The following CALHM6 variants were observed in gnomAD, a reference collection of about 807,000 sequenced individuals.
The protein encoded by CALHM6 is calcium homeostasis modulator protein 6.
CALHM6 carries 15 observed loss-of-function variants against 12.7 expected under a neutral mutation model. That is an observed-to-expected ratio of 1.18 (90% CI 0.79 to 1.82). The LOEUF is 1.82. CALHM6 is among the 40% of genes most tolerant of loss of function. The probability of loss-of-function intolerance (pLI) is 0.00; values close to 1 mark genes in which losing one functional copy is unlikely to be tolerated. For synonymous variants in CALHM6, 212 were observed against 193.7 expected (o/e 1.09, Z -0.78); for missense variants, 434 against 421.0 (o/e 1.03, Z -0.27).
At chr6:116,461,598 AC>A (rs1411029314) in intron 1 of CALHM6, among the ~76,000 whole-genome samples, 169 bp downstream of exon 1, 1 of 151,956 alleles carries the variant, frequency 6.6e-6, no homozygotes, top group African/African-American at 2.4e-5. Flanking sequence ...TAATAAAGGA[AC>A]AAGGTCAACC....
At chr6:116,461,818 C>T in intron 1 of CALHM6, 54 bp from the exon 2 acceptor site, 1 of 880,018 alleles carries the variant, frequency 1.1e-6, no homozygotes, top group East Asian at 3.2e-5. Flanking sequence ...AAGGCTGCTT[C>T]TCGCAGAGTG....
intron 1 of CALHM6, 75 bp from the exon 2 acceptor site, chr6:116,461,792 TAAAAA>T: frequency 2.7e-6 from 2 of 745,744 alleles, no homozygotes; most frequent in African/African-American, 2.2e-5. Context: ...CTCTTCCCTT[TAAAAA>T]AAAAAAAAAA....
intron 2 of CALHM6, 143 bp from the exon 3 acceptor site, chr6:116,463,140 C>A: frequency 1.3e-6 from 1 of 784,208 alleles, no homozygotes; most frequent in African/African-American, 1.7e-5. Flanking sequence ...TACTGCGACA[C>A]CTTACTCTTA....
At chr6:116,461,540 G>A in intron 1 of CALHM6, 111 bp downstream of exon 1, 1 of 1,054,536 alleles carries the variant, frequency 9.5e-7, no homozygotes, top group Non-Finnish European at 1.4e-6. Context: ...CCAACTGGCG[G>A]CCGTGGGTCA....
chr6:116,463,460 G>A lies in CALHM6; in HGVS notation c.703G>A (p.Glu235Lys), dbSNP rs1387496916. 6.2e-6 allele frequency: 10 copies of A among 1,614,148 alleles called. No homozygotes were observed. Among genetic ancestry groups the A allele is most frequent in the Non-Finnish European group, 8.5e-6 (10 of 1,180,028 alleles). The part of the protein sequence containing the change: ...ATEHATELAK[E>K]NIKCFFEGSH... ...AGAGCATGCAACTGAATTGGCAAAA[G>A]AGAATATTAAATGTTTCTTTGAGGG... The change falls in exon 3 of 3, where the codon GAG (glutamate) becomes AAG (lysine). Residue 235 changes from glutamate to lysine, a missense_variant. By Grantham distance (56) the Glu-to-Lys change is moderately conservative. Coordinates refer to ENST00000368605, the MANE Select transcript of CALHM6 (RefSeq NM_001010919.3).
Position 116,463,625 on chromosome 6 carries a change from A to G in CALHM6, c.868A>G (p.Arg290Gly). 1 of 1,614,090 alleles carries G rather than the reference A, an allele frequency of 6.2e-7. No homozygotes were observed. Among genetic ancestry groups the G allele is most frequent in the Admixed American group, 1.7e-5 (1 of 60,026 alleles). Residue 290 changes from arginine (R) to glycine (G), a missense_variant, in exon 3 of 3, where the codon AGG becomes GGG. Transcript: ENST00000368605. ...VNRKEKTHSI[R>G]STEGDTVIPV... Reference sequence around the variant, plus strand: ...CAGAAAAGAGAAGACTCACAGTATCAGGTCTACTGAAGGAGATACGGTGAT... The same window carrying G: ...CAGAAAAGAGAAGACTCACAGTATCGGGTCTACTGAAGGAGATACGGTGAT...
chr6:116,462,491 G>T (rs553301411), intron 2 of CALHM6, 37 bp downstream of exon 2: 296 of 1,433,090 alleles, frequency 2.1e-4, no homozygotes, highest in Non-Finnish European at 2.6e-4. Context: ...GGGAGGAGCC[G>T]AGAGGCCGAG....
chr6:116,463,444 A>G lies in CALHM6; in HGVS notation c.687A>G (p.Ala229=). The G allele has an allele frequency of 6.2e-7, 1 of 1,614,198 alleles. No individual in the cohort carries two copies. Among genetic ancestry groups the G allele is most frequent in the Non-Finnish European group, 8.5e-7 (1 of 1,180,024 alleles). Residue 229 remains alanine (A), a synonymous_variant, in exon 3 of 3, where the codon GCA becomes GCG. Coordinates refer to ENST00000368605, the MANE Select transcript of CALHM6 (RefSeq NM_001010919.3). ...QILKSKATEH[A]TELAKENIKC... ...TTAAAAGTAAAGCCACAGAGCATGCAACTGAATTGGCAAAAGAGAATATTA... is the reference window on the plus strand; with the variant it reads ...TTAAAAGTAAAGCCACAGAGCATGCGACTGAATTGGCAAAAGAGAATATTA...
chr6:116,463,687 C>T lies in CALHM6; in HGVS notation c.930C>T (p.Asn310=), dbSNP rs41289932. 6.2e-7 allele frequency: 1 copy of T among 1,603,292 alleles called. No individual in the cohort carries two copies. Among genetic ancestry groups the T allele is most frequent in the Non-Finnish European group, 8.5e-7 (1 of 1,174,578 alleles). The part of the protein sequence containing the change: ...VLGFVDSSGI[N]STPEL ...GCTTTGTAGATTCATCTGGTATAAA[C>T]AGCACTCCTGAGTTATGACCTTTTG... Residue 310 remains asparagine, a synonymous_variant, in exon 3 of 3, where the codon AAC becomes AAT. Coordinates refer to ENST00000368605, the MANE Select transcript of CALHM6 (RefSeq NM_001010919.3).
At position 116,463,730 on chromosome 6, in the gene CALHM6, A is replaced by T. The variant is rs768721269; in HGVS notation, c.*25A>T. The T allele has an allele frequency of 1.4e-6, 2 of 1,463,898 alleles. No individual in the cohort carries two copies. The highest frequency in any genetic ancestry group is 3.0e-5 in the South Asian group (2 of 66,746). 90.7% of individuals were successfully genotyped at this position (1,463,898 alleles called of 1,614,324 possible). On this transcript the variant is annotated 3_prime_UTR_variant, in exon 3 of 3. Transcript: ENST00000368605. ...ACCTTTTGAATGAGTAGAAAAAAAA[A>T]TTGTTTTGAATTATTGCTTTATTAA... is the stretch of plus-strand genomic sequence containing the variant.
Position 116,461,792 on chromosome 6 carries a change from T to TAAAAAA in CALHM6, c.-58-68_-58-63dup, listed in dbSNP as rs4031591. Reference sequence around the variant, plus strand: ...AAGGTCTGAGAAGCCCTCTTCCCTTTAAAAAAAAAAAAAAAAAGGCTGCTT... The same window carrying TAAAAAA: ...AAGGTCTGAGAAGCCCTCTTCCCTTTAAAAAAAAAAAAAAAAAAAAAAAGGCTGCTT... On this transcript the variant is annotated intron_variant, in intron 1 of 2. Coordinates refer to ENST00000368605, the MANE Select transcript of CALHM6 (RefSeq NM_001010919.3). 2,467 of 745,490 alleles carry TAAAAAA rather than the reference T, an allele frequency of 3.3e-3. 12 individuals are homozygous for TAAAAAA. Among genetic ancestry groups the TAAAAAA allele is most frequent in the East Asian group, 0.016 (448 of 27,348 alleles). The allele number at this position is 745,490 out of a possible 1,614,324, so 46.2% of individuals were successfully genotyped here. A position where few individuals can be genotyped will look rare whatever the true frequency, so the allele number is the denominator to read the frequency against.
chr6:116,461,984 G>A lies in CALHM6; in HGVS notation c.55G>A (p.Gly19Ser). The change falls in exon 2 of 3, where the codon GGC becomes AGC. Residue 19 changes from glycine (G) to serine (S), a missense_variant. Coordinates refer to ENST00000368605, the MANE Select transcript of CALHM6 (RefSeq NM_001010919.3). ...GCACGTCAAGCACCACAGCGCCTTG[G>A]GCTACGGCCTGGTGACCCTGCTGAC... The part of the protein sequence containing the change: ...DLHVKHHSAL[G>S]YGLVTLLTAG... The A allele has an allele frequency of 9.0e-6, 14 of 1,547,888 alleles. No homozygotes were observed. Among genetic ancestry groups the A allele is most frequent in the Non-Finnish European group, 1.2e-5 (14 of 1,145,470 alleles).
Position 116,462,176 on chromosome 6 carries a change from T to C in CALHM6, c.247T>C (p.Ser83Pro), listed in dbSNP as rs1462882961. The C allele has an allele frequency of 6.6e-7, 1 of 1,514,696 alleles. No homozygotes were observed. The allele number at this position is 1,514,696 out of a possible 1,614,324, so 93.8% of individuals were successfully genotyped here. A position where few individuals can be genotyped will look rare whatever the true frequency, so the allele number is the denominator to read the frequency against. ...GTGGCGCCTGCTCACCGGATGCTGC[T>C]CCAGCGCCCGCGCGAGTTGCGGATC... The part of the protein sequence containing the change: ...RTWRLLTGCC[S>P]SARASCGSAL... The change falls in exon 2 of 3, where the codon TCC becomes CCC. Residue 83 changes from serine to proline, a missense_variant. Physicochemically the swap from Ser to Pro is moderately conservative, Grantham distance 74. Coordinates refer to ENST00000368605, the MANE Select transcript of CALHM6 (RefSeq NM_001010919.3).
rs1279655650 is a variant in CALHM6, at chr6:116,462,216, C to T, written c.287C>T (p.Ser96Phe). The change falls in exon 2 of 3, where the codon TCC becomes TTC. Residue 96 changes from serine to phenylalanine, a missense_variant. Ser to Phe is a radical substitution (Grantham distance 155, BLOSUM62 -2). Coordinates refer to ENST00000368605, the MANE Select transcript of CALHM6 (RefSeq NM_001010919.3). ...AGTTGCGGATCGGCGCTGCGCGGCT[C>T]CCTGGTGTGCACGCAAATCAGCGCG... ...RASCGSALRG[S>F]LVCTQISAAA... 8 of 1,437,928 alleles carry T rather than the reference C, an allele frequency of 5.6e-6. No individual in the cohort carries two copies. Among genetic ancestry groups the T allele is most frequent in the Non-Finnish European group, 7.3e-6 (8 of 1,100,666 alleles). 89.1% of individuals were successfully genotyped at this position (1,437,928 alleles called of 1,614,324 possible). A position where few individuals can be genotyped will look rare whatever the true frequency, so the allele number is the denominator to read the frequency against.
At chr6:116,463,200 T>C in intron 2 of CALHM6, 83 bp from the exon 3 acceptor site, 1 of 1,302,878 alleles carries the variant, frequency 7.7e-7, no homozygotes, top group Non-Finnish European at 1.1e-6. Context: ...AACTGGCGAG[T>C]AGTTGAAACT....
At chr6:116,461,787 C>G in intron 1 of CALHM6, 85 bp from the exon 2 acceptor site, 1 of 752,918 alleles carries the variant, frequency 1.3e-6, no homozygotes. Context: ...AAGCCCTCTT[C>G]CCTTTAAAAA....
rs4354189 is a variant in CALHM6 at position 116,462,274 on chromosome 6, C to A, written c.345C>A (p.Ala115=). 2 of 1,379,406 alleles carry A rather than the reference C, an allele frequency of 1.4e-6. No individual in the cohort carries two copies. Among genetic ancestry groups the A allele is most frequent in the Admixed American group, 3.6e-5 (1 of 27,606 alleles). 85.4% of individuals were successfully genotyped at this position (1,379,406 alleles called of 1,614,324 possible). The change falls in exon 2 of 3, where the codon GCC becomes GCA. Residue 115 remains alanine, a synonymous_variant. Coordinates refer to ENST00000368605, the MANE Select transcript of CALHM6 (RefSeq NM_001010919.3). ...CGCTCGCGCCCCTCACCTGGGTGGC[C>A]GTGGCGCTGCTCGGGGGCGCCTTTT... ...AAALAPLTWV[A]VALLGGAFYE... is the part of the protein sequence containing the mutation.
At position 116,463,403 on chromosome 6, in the gene CALHM6, C is replaced by A. The variant is rs772670123; in HGVS notation, c.646C>A (p.Gln216Lys). Reference protein sequence around the residue: ...QLKFWKIYLEQEQQILKSKAT... With the variant: ...QLKFWKIYLEKEQQILKSKAT... ...GAAATTCTGGAAAATCTATTTGGAACAGGAGCAGCAGATCCTTAAAAGTAA... is the reference window on the plus strand; with the variant it reads ...GAAATTCTGGAAAATCTATTTGGAAAAGGAGCAGCAGATCCTTAAAAGTAA... The change falls in exon 3 of 3, where the codon CAG (glutamine) becomes AAG (lysine). Residue 216 changes from glutamine to lysine, a missense_variant. Physicochemically the swap from Gln to Lys is moderately conservative, Grantham distance 53. Coordinates refer to ENST00000368605, the MANE Select transcript of CALHM6 (RefSeq NM_001010919.3). 3.7e-6 allele frequency: 6 copies of A among 1,614,094 alleles called. No individual in the cohort carries two copies. Among genetic ancestry groups the A allele is most frequent in the South Asian group, 2.2e-5 (2 of 91,082 alleles).
At chr6:116,461,846 TCC>T in intron 1 of CALHM6, 24 bp from the exon 2 acceptor site, 1 of 1,114,426 alleles carries the variant, frequency 9.0e-7, no homozygotes. Flanking sequence ...CCGGTCCCCA[TCC>T]CACCAAAACC....
Sources: gnomAD v4.1 joint callset for allele counts (sites outside exome capture counted in the v4.1 genomes callset) on GRCh38, gnomAD v4.1.1 for gene constraint, MANE v1.5 for transcripts, NCBI Gene and HGNC (gene_info 2026-07-23, HGNC 2026-07-21) for gene names.